CACNA1A: variants seen among roughly 807,000 people sequenced by gnomAD.
The protein encoded by CACNA1A is voltage-dependent P/Q-type calcium channel subunit alpha-1A.
A neutral mutation model predicts 262.4 loss-of-function variants in CACNA1A; 57 were observed. The observed-to-expected ratio is 0.22, with a 90% CI of 0.18 to 0.27. The LOEUF is 0.27. Among genes scored for constraint, CACNA1A ranks in the 10% least tolerant of loss-of-function variants. The pLI is 1.00. For missense variants in CACNA1A, 2,526 were observed against 3,562.8 expected (o/e 0.71, Z 7.41); for synonymous variants, 1,431 against 1,419.3 (o/e 1.01, Z -0.18).
intron 10 of CACNA1A, among the ~76,000 whole-genome samples, chr19:13,326,161 CAA>C (rs1180926015): frequency 6.6e-6 from 1 of 151,404 alleles, no homozygotes; most frequent in Non-Finnish European, 1.5e-5. Flanking sequence ...ACTAACAGTA[CAA>C]AAATTGGCAG....
intron 6 of CACNA1A, among the ~76,000 whole-genome samples, chr19:13,350,169 C>T (rs1404741427): frequency 6.6e-6 from 1 of 152,188 alleles, no homozygotes. Flanking sequence ...GAGGCCCAGC[C>T]AGTACCCCAA....
rs1983026934 is a variant in CACNA1A, at chr19:13,506,253, CG to C, written c.-30del. On this transcript the variant is annotated 5_prime_UTR_variant, in exon 1 of 47. The change creates a premature stop within an existing upstream ORF in the 5' untranslated region. Transcript: ENST00000360228. ...GCAAAGAGCAAAGGGCTCCGGGTTA[CG>C]CTGCGGCGAACGATGCGGAAGACGC... is the stretch of plus-strand genomic sequence containing the variant. 9.9e-6 allele frequency: 14 copies of C among 1,417,084 alleles called. No homozygotes were observed. Among genetic ancestry groups the C allele is most frequent in the Non-Finnish European group, 1.3e-5 (14 of 1,097,848 alleles). The allele number at this position is 1,417,084 out of a possible 1,614,324, so 87.8% of individuals were successfully genotyped here. A position where few individuals can be genotyped will look rare whatever the true frequency, so the allele number is the denominator to read the frequency against.
chr19:13,329,850 T>C (rs1285992133), intron 10 of CACNA1A, among the ~76,000 whole-genome samples: 1 of 151,342 alleles, frequency 6.6e-6, no homozygotes, highest in African/African-American at 2.4e-5. Context: ...CAGCCTCCAC[T>C]TCCCAGGCTC....
Position 13,207,711 on chromosome 19 carries a change from C to T in CACNA1A, c.7123G>A (p.Ala2375Thr). The change falls in exon 47 of 47, where the codon GCC (alanine) becomes ACC (threonine). Residue 2375 changes from alanine to threonine, a missense_variant. This residue lies in a region of CACNA1A where 929 missense variants were observed against 868.1 expected (regional missense o/e 1.07). Transcript: ENST00000360228. This position sits in a 1 kb window ranked among gnomAD's most constrained non-coding sequence, Gnocchi z 5.7. ...PRMERRVPGP[A>T]RSESPRACRH... ...CAGGCCCTGGGGGACTCGCTCCGGGCCGGGCCTGGGACCCGCCTCTCCATC... is the reference window on the plus strand; with the variant it reads ...CAGGCCCTGGGGGACTCGCTCCGGGTCGGGCCTGGGACCCGCCTCTCCATC... 2 of 1,362,818 alleles carry T rather than the reference C, an allele frequency of 1.5e-6. No homozygotes were observed. The highest frequency in any genetic ancestry group is 1.9e-6 in the Non-Finnish European group (2 of 1,061,828). The allele number at this position is 1,362,818 out of a possible 1,614,324, so 84.4% of individuals were successfully genotyped here. A position where few individuals can be genotyped will look rare whatever the true frequency, so the allele number is the denominator to read the frequency against.
chr19:13,282,883 T>C (rs2057323645), intron 22 of CACNA1A, among the ~76,000 whole-genome samples: 1 of 152,142 alleles, frequency 6.6e-6, no homozygotes, highest in Non-Finnish European at 1.5e-5. Flanking sequence ...AAGCTTCGTG[T>C]ACAAAGGGAA....
chr19:13,449,370 T>C (rs1274353133), intron 3 of CACNA1A, among the ~76,000 whole-genome samples: 2 of 152,050 alleles, frequency 1.3e-5, no homozygotes, highest in Non-Finnish European at 2.9e-5. Context: ...CAGTCATAGC[T>C]CACTACAGCG....
Position 13,298,783 on chromosome 19 carries a change from G to C in CACNA1A, c.2850C>G (p.Gly950=). The C allele has an allele frequency of 6.5e-7, 1 of 1,535,454 alleles. No homozygotes were observed. The highest frequency in any genetic ancestry group is 1.2e-5 in the South Asian group (1 of 83,154). The change falls in exon 19 of 47, where the codon GGC becomes GGG. Residue 950 remains glycine (G), a synonymous_variant. Coordinates refer to ENST00000360228, the MANE Select transcript of CACNA1A (RefSeq NM_001127222.2). ...GATGACGTCGATGCTCCCCGTCCGC[G>C]CCCGTGCGCGGGGACCCGCTGCGGC... ...RESRSGSPRT[G]ADGEHRRHRA... is the part of the protein sequence containing the mutation.
chr19:13,307,941 A>ACGTCT, intron 14 of CACNA1A, 87 bp from the exon 15 acceptor site: 1 of 1,417,230 alleles, frequency 7.1e-7, no homozygotes, highest in East Asian at 2.3e-5. Context: ...AAGGAAACGA[A>ACGTCT]CGTCTCCATC....
rs1186831133 is a variant in CACNA1A at position 13,277,185 on chromosome 19, C to T, written c.3823-57G>A. 1.6e-5 allele frequency: 20 copies of T among 1,253,748 alleles called. No individual in the cohort carries two copies. The East Asian group carries it at 1.6e-4, about 10-fold the overall frequency. 77.7% of individuals were successfully genotyped at this position (1,253,748 alleles called of 1,614,324 possible). On this transcript the variant is annotated intron_variant, in intron 22 of 46. Transcript: ENST00000360228. The stretch of plus-strand genomic sequence containing the variant: ...TCACTGGCCTGTTCCAGCAGAGCCC[C>T]GGTAAAACTAACGATCGCCTACTGG...
chr19:13,335,541 T>C (rs1393976219), intron 7 of CACNA1A, among the ~76,000 whole-genome samples: 1 of 151,882 alleles, frequency 6.6e-6, no homozygotes, highest in African/African-American at 2.4e-5. Context: ...ATTTGGAAAA[T>C]GGGGGAGAAG....
intron 24 of CACNA1A, among the ~76,000 whole-genome samples, chr19:13,268,908 T>C (rs1313553423): frequency 2.7e-5 from 4 of 148,964 alleles, no homozygotes; most frequent in Non-Finnish European, 6.0e-5. Context: ...TTTTTTTTTT[T>C]TTTTTTTTTT....
At position 13,299,244 on chromosome 19, in the gene CACNA1A, T is replaced by C. The variant is rs1235170417; in HGVS notation, c.2389A>G (p.Met797Val). 4.4e-6 allele frequency: 7 copies of C among 1,609,106 alleles called. No homozygotes were observed. The highest frequency in any genetic ancestry group is 5.9e-6 in the Non-Finnish European group (7 of 1,179,848). ...LASREALYNE[M>V]DPDERWKAAY... ...GCCTTCCAGCGCTCGTCCGGGTCCA[T>C]TTCGTTATACAGGGCCTCCCGGCTG... The change falls in exon 19 of 47, where the codon ATG becomes GTG. Residue 797 changes from methionine to valine, a missense_variant. This residue lies in a region of CACNA1A where 765 missense variants were observed against 748.6 expected (regional missense o/e 1.02). Coordinates refer to ENST00000360228, the MANE Select transcript of CACNA1A (RefSeq NM_001127222.2).
chr19:13,478,584 T>C (rs1223451974), intron 1 of CACNA1A, among the ~76,000 whole-genome samples: 1 of 152,170 alleles, frequency 6.6e-6, no homozygotes, highest in African/African-American at 2.4e-5. Flanking sequence ...CCCAAAGTGC[T>C]GGGGTTACAA....
chr19:13,214,198 C>A lies in CACNA1A; in HGVS notation c.5940+35G>T, dbSNP rs1411783148. 6.5e-7 allele frequency: 1 copy of A among 1,550,058 alleles called. No homozygotes were observed. On this transcript the variant is annotated intron_variant, in intron 40 of 46. Transcript: ENST00000360228. This position sits in a 1 kb window ranked among gnomAD's most constrained non-coding sequence, Gnocchi z 4.1. ...GTGGTGACATGCAAGCCACTGTCCC[C>A]AGCCCAGATGTCCCCAGAGCGGCGA... is the stretch of plus-strand genomic sequence containing the variant.
rs878905432 is a variant in CACNA1A, at chr19:13,208,174, GGGAGGGGGAGGAGGAGGA to G, written c.6781-139_6781-122del. ...AGGGGCCGGGAGGAGAGGGAGGAGG[GGGAGGGGGAGGAGGAGGA>G]GGAGGAGGAGAGGGGGGACACAGGA... On this transcript the variant is annotated intron_variant, in intron 46 of 46. Transcript: ENST00000360228. The G allele has an allele frequency of 0.072, 8,490 of 117,282 alleles. 445 individuals carry two copies. The highest frequency in any genetic ancestry group is 0.26 in the African/African-American group (3,614 of 13,994). 7.3% of individuals were successfully genotyped at this position (117,282 alleles called of 1,614,324 possible).
chr19:13,412,473 T>C (rs974685994), intron 3 of CACNA1A, among the ~76,000 whole-genome samples: 2 of 150,858 alleles, frequency 1.3e-5, no homozygotes, highest in South Asian at 2.1e-4. Context: ...ACCTTTCTTT[T>C]TTTTCTTTTC....
At chr19:13,407,448 A>G (rs1332681599) in intron 3 of CACNA1A, among the ~76,000 whole-genome samples, 2 of 152,342 alleles carry the variant, frequency 1.3e-5, no homozygotes, top group East Asian at 3.9e-4. Flanking sequence ...GGGATATGAA[A>G]GAATCCACCT....
At chr19:13,397,352 G>C (rs1420246282) in intron 3 of CACNA1A, among the ~76,000 whole-genome samples, 1 of 152,278 alleles carries the variant, frequency 6.6e-6, no homozygotes, top group East Asian at 1.9e-4. Flanking sequence ...CAAATCCTGA[G>C]AGCTGGAAGC....
At chr19:13,305,953 G>A (rs1320770438) in intron 15 of CACNA1A, among the ~76,000 whole-genome samples, 2 of 151,986 alleles carry the variant, frequency 1.3e-5, no homozygotes, top group East Asian at 1.9e-4. Context: ...TCAGCTACTC[G>A]GGAGGCTGAG....
Sources: gnomAD v4.1 joint callset for allele counts (sites outside exome capture counted in the v4.1 genomes callset) on GRCh38, gnomAD v4.1.1 for gene constraint, gnomAD v4.1.1 regional missense constraint, Gnocchi (gnomAD v3.1) non-coding constraint, MANE v1.5 for transcripts, NCBI Gene and HGNC (gene_info 2026-07-23, HGNC 2026-07-21) for gene names.